RYR2: variants seen among roughly 807,000 people sequenced by gnomAD.
RYR2 encodes ryanodine receptor 2, also known as cardiac muscle ryanodine receptor-calcium release channel.
A neutral mutation model predicts 601.1 loss-of-function variants in RYR2; 227 were observed. The observed-to-expected ratio is 0.38, with a 90% confidence interval of 0.34 to 0.42. RYR2 has a LOEUF of 0.42. Among genes scored for constraint, RYR2 ranks in the 10% least tolerant of loss-of-function variants. The pLI is 1.00. For synonymous variants in RYR2, 2,223 were observed against 2,175.1 expected (o/e 1.02, Z -0.61); for missense variants, 4,646 against 6,156.5 (o/e 0.75, Z 8.21).
At chr1:237,293,535 T>C (rs1294877191) in intron 2 of RYR2, among the ~76,000 whole-genome samples, 8 of 152,176 alleles carry the variant, frequency 5.3e-5, no homozygotes. Context: ...CAGCTGCAAG[T>C]AGTAGATTGT....
intron 100 of RYR2, among the ~76,000 whole-genome samples, chr1:237,816,380 C>T (rs1410408867): frequency 6.6e-6 from 1 of 152,152 alleles, no homozygotes; most frequent in Non-Finnish European, 1.5e-5. Context: ...TATGAAGACA[C>T]AGATTTGGAG....
intron 1 of RYR2, among the ~76,000 whole-genome samples, chr1:237,249,651 G>A (rs1224907216): frequency 6.6e-6 from 1 of 152,142 alleles, no homozygotes; most frequent in African/African-American, 2.4e-5. Context: ...TAACTCAAGT[G>A]TTTTGACTCC....
chr1:237,133,924 CA>C (rs10639948), intron 1 of RYR2, among the ~76,000 whole-genome samples: 13 of 100,458 alleles, frequency 1.3e-4, no homozygotes, highest in African/African-American at 3.5e-4. Context: ...GACTCCGTCT[CA>C]AAAAAAAAAA....
At chr1:237,717,542 C>T (rs1689364874) in intron 72 of RYR2, among the ~76,000 whole-genome samples, 174 bp downstream of exon 72, 1 of 152,046 alleles carries the variant, frequency 6.6e-6, no homozygotes, top group Admixed American at 6.6e-5. Context: ...TTTTTTGAGG[C>T]TGTTTTTATT....
chr1:237,663,919 A>G lies in RYR2; in HGVS notation c.8437-2593A>G, dbSNP rs137914323. On this transcript the variant is annotated intron_variant, in intron 56 of 104. Transcript: ENST00000366574. ...GTATCAACTTGACAGAATATACAATAGAGTATATAAGGGCTGATCAAAGTT... is the reference window on the plus strand; with the variant it reads ...GTATCAACTTGACAGAATATACAATGGAGTATATAAGGGCTGATCAAAGTT... Among the ~76,000 whole-genome samples, 367 of 152,304 alleles carry G rather than the reference A, an allele frequency of 2.4e-3. 3 individuals are homozygous for G. Among genetic ancestry groups the G allele is most frequent in the African/African-American group, 8.2e-3 (341 of 41,578 alleles).
intron 23 of RYR2, 110 bp downstream of exon 23, chr1:237,506,924 G>A (rs1448666304): frequency 4.3e-6 from 4 of 924,958 alleles, no homozygotes; most frequent in South Asian, 1.4e-5. Flanking sequence ...TAGTTGGATT[G>A]ATTTTTTTCC....
intron 1 of RYR2, among the ~76,000 whole-genome samples, chr1:237,070,087 G>C (rs1408814661): frequency 6.7e-6 from 1 of 148,920 alleles, no homozygotes; most frequent in African/African-American, 2.5e-5. Context: ...TTGGAGTGCA[G>C]TGGCATGATC....
intron 1 of RYR2, among the ~76,000 whole-genome samples, chr1:237,149,785 A>G (rs1390592506): frequency 6.6e-6 from 1 of 152,222 alleles, no homozygotes; most frequent in African/African-American, 2.4e-5. Flanking sequence ...TTTCATGTGA[A>G]ATGAAGTCCG....
intron 1 of RYR2, among the ~76,000 whole-genome samples, chr1:237,080,491 A>C (rs1017498442): frequency 2.9e-5 from 2 of 70,112 alleles, no homozygotes; most frequent in African/African-American, 9.8e-5. Context: ...ACACTTCTCA[A>C]AAGAAGACAT....
chr1:237,093,992 C>T (rs1667244077), intron 1 of RYR2, among the ~76,000 whole-genome samples: 1 of 152,146 alleles, frequency 6.6e-6, no homozygotes, highest in Middle Eastern at 3.4e-3. Context: ...TAGGCAGTGG[C>T]GACAGGAAGA....
At chr1:237,794,449 C>T (rs1361845445) in intron 95 of RYR2, among the ~76,000 whole-genome samples, 1 of 152,186 alleles carries the variant, frequency 6.6e-6, no homozygotes, top group African/African-American at 2.4e-5. Flanking sequence ...TAGCATGAAA[C>T]TAACTAAATA....
intron 3 of RYR2, among the ~76,000 whole-genome samples, chr1:237,336,225 A>G (rs1299763671): frequency 6.6e-6 from 1 of 152,202 alleles, no homozygotes; most frequent in Non-Finnish European, 1.5e-5. Flanking sequence ...TAGAAGTAAT[A>G]TTAAAACTAT....
chr1:237,223,853 G>A (rs1684082745), intron 1 of RYR2, among the ~76,000 whole-genome samples: 1 of 152,178 alleles, frequency 6.6e-6, no homozygotes, highest in African/African-American at 2.4e-5. Context: ...TCAAAGGAGT[G>A]CACTTCCAGA....
chr1:237,817,906 C>A (rs1045875169), intron 100 of RYR2, among the ~76,000 whole-genome samples: 1 of 152,086 alleles, frequency 6.6e-6, no homozygotes, highest in Non-Finnish European at 1.5e-5. Context: ...CTGGAACAGT[C>A]TAAGAAAATC....
intron 17 of RYR2, among the ~76,000 whole-genome samples, chr1:237,481,594 A>G (rs1662099219): frequency 6.6e-6 from 1 of 151,882 alleles, no homozygotes; most frequent in African/African-American, 2.4e-5. Context: ...CTACTTTCTC[A>G]TTTTCCCTCA....
intron 63 of RYR2, among the ~76,000 whole-genome samples, chr1:237,695,319 C>T (rs956622660): frequency 1.3e-5 from 2 of 152,044 alleles, no homozygotes; most frequent in African/African-American, 4.8e-5. Flanking sequence ...TTTATGTTTA[C>T]GTACACCTTG....
At chr1:237,159,853 C>T (rs1675816865) in intron 1 of RYR2, among the ~76,000 whole-genome samples, 1 of 152,152 alleles carries the variant, frequency 6.6e-6, no homozygotes, top group East Asian at 1.9e-4. Flanking sequence ...TCACCATCTC[C>T]ACAAAATCAG....
chr1:237,182,090 G>A (rs973635349), intron 1 of RYR2, among the ~76,000 whole-genome samples: 2 of 144,918 alleles, frequency 1.4e-5, no homozygotes, highest in African/African-American at 5.1e-5. Context: ...TATGTGAGAT[G>A]AAACTCCCTG....
At chr1:237,785,542 T>G (rs531379981) in intron 90 of RYR2, among the ~76,000 whole-genome samples, 5 of 152,176 alleles carry the variant, frequency 3.3e-5, no homozygotes, top group Non-Finnish European at 7.4e-5. Context: ...ATGAAGAAAC[T>G]AGAAAAGGGT....
Sources: allele counts gnomAD v4.1 joint callset (sites outside exome capture counted in the v4.1 genomes callset), GRCh38; gene constraint gnomAD v4.1.1; transcripts MANE v1.5; gene names NCBI Gene and HGNC (gene_info 2026-07-23, HGNC 2026-07-21).